The following ST6GALNAC3 variants were observed in gnomAD, a reference collection of about 807,000 sequenced individuals.
ST6GALNAC3 encodes the protein ST6 N-acetylgalactosaminide alpha-2,6-sialyltransferase 3, also known as alpha-N-acetylgalactosaminide alpha-2,6-sialyltransferase 3.
In ST6GALNAC3, 25 loss-of-function variants were observed where a neutral mutation model predicts 32.7. That is an observed-to-expected ratio of 0.76 (90% CI 0.56 to 1.07). ST6GALNAC3 has a LOEUF of 1.07. Ranked by LOEUF, ST6GALNAC3 falls within the 50% of genes least tolerant of loss-of-function variation. The pLI, the probability that ST6GALNAC3 is intolerant of heterozygous loss-of-function variation, is 0.00. For missense variants in ST6GALNAC3, 355 were observed against 382.4 expected, an observed-to-expected ratio of 0.93 and a Z score of 0.60; for synonymous variants, 129 against 133.1, an observed-to-expected ratio of 0.97 and a Z score of 0.21.
chr1:76,130,034 A>G (rs1649509913), intron 1 of ST6GALNAC3, among the ~76,000 whole-genome samples: 1 of 152,210 alleles, frequency 6.6e-6, no homozygotes. Context: ...TGACTGGTTC[A>G]TTAAGGCACC....
At chr1:76,564,638 T>A (rs914758147) in intron 3 of ST6GALNAC3, among the ~76,000 whole-genome samples, 15 of 147,300 alleles carry the variant, frequency 1.0e-4, no homozygotes, top group African/African-American at 3.9e-4. Context: ...CAGGCTGGAG[T>A]GCAGTGGCTC....
intron 3 of ST6GALNAC3, among the ~76,000 whole-genome samples, chr1:76,626,769 C>G (rs534524584): frequency 1.3e-4 from 19 of 151,968 alleles, no homozygotes; most frequent in African/African-American, 4.1e-4. Flanking sequence ...AACCCACTGG[C>G]CTTCACAAAG....
intron 3 of ST6GALNAC3, among the ~76,000 whole-genome samples, chr1:76,488,121 A>T (rs528547966): frequency 6.6e-6 from 1 of 152,268 alleles, no homozygotes; most frequent in Non-Finnish European, 1.5e-5. Context: ...GCTGAAATAT[A>T]ATCCCCCATG....
intron 3 of ST6GALNAC3, among the ~76,000 whole-genome samples, chr1:76,599,568 T>C (rs1297781649): frequency 6.6e-6 from 1 of 152,094 alleles, no homozygotes; most frequent in Non-Finnish European, 1.5e-5. Flanking sequence ...CCTGTGAGAT[T>C]AAATATTTCA....
chr1:76,325,448 C>T (rs919523989), intron 2 of ST6GALNAC3, among the ~76,000 whole-genome samples: 4 of 151,882 alleles, frequency 2.6e-5, no homozygotes, highest in East Asian at 1.9e-4. Context: ...TGCAATGCAG[C>T]CCAAGTTTTT....
At chr1:76,122,635 T>C (rs1648955453) in intron 1 of ST6GALNAC3, among the ~76,000 whole-genome samples, 1 of 152,220 alleles carries the variant, frequency 6.6e-6, no homozygotes, top group Non-Finnish European at 1.5e-5. Context: ...ATATAGTGTT[T>C]GCATATCCCA....
chr1:76,310,178 C>T (rs1012398177), intron 1 of ST6GALNAC3, among the ~76,000 whole-genome samples: 2 of 152,072 alleles, frequency 1.3e-5, no homozygotes, highest in African/African-American at 4.8e-5. Flanking sequence ...TACCAAATGA[C>T]GATTAAGAAA....
chr1:76,505,545 A>G (rs946983390), intron 3 of ST6GALNAC3, among the ~76,000 whole-genome samples: 24 of 152,236 alleles, frequency 1.6e-4, no homozygotes, highest in African/African-American at 5.3e-4. Flanking sequence ...ACTTATAAAT[A>G]GCTCCAAGCA....
chr1:76,448,791 A>G (rs1487898248), intron 3 of ST6GALNAC3, among the ~76,000 whole-genome samples: 2 of 151,958 alleles, frequency 1.3e-5, no homozygotes, highest in African/African-American at 4.8e-5. Flanking sequence ...GCCATGTGGA[A>G]CTCTAAGTTC....
At chr1:76,160,663 A>T (rs1023951359) in intron 1 of ST6GALNAC3, among the ~76,000 whole-genome samples, 1 of 152,220 alleles carries the variant, frequency 6.6e-6, no homozygotes, top group African/African-American at 2.4e-5. Context: ...CTTGCACCAG[A>T]ATATAAATCA....
At chr1:76,465,568 T>C (rs1404521611) in intron 3 of ST6GALNAC3, among the ~76,000 whole-genome samples, 1 of 152,170 alleles carries the variant, frequency 6.6e-6, no homozygotes, top group Non-Finnish European at 1.5e-5. Context: ...TTCTTTCTAG[T>C]TCCTTGGGGA....
intron 1 of ST6GALNAC3, among the ~76,000 whole-genome samples, chr1:76,195,419 A>G (rs964190872): frequency 4.6e-5 from 7 of 152,210 alleles, no homozygotes; most frequent in African/African-American, 1.7e-4. Context: ...ATCACACAGA[A>G]TATTAAAAAG....
intron 3 of ST6GALNAC3, among the ~76,000 whole-genome samples, chr1:76,594,396 T>A (rs1647099194): frequency 6.6e-6 from 1 of 152,170 alleles, no homozygotes; most frequent in Non-Finnish European, 1.5e-5. Flanking sequence ...AACATGTTTG[T>A]CCCTTATCTC....
chr1:76,516,472 G>A (rs144848384), intron 3 of ST6GALNAC3, among the ~76,000 whole-genome samples: 14 of 152,022 alleles, frequency 9.2e-5, no homozygotes, highest in African/African-American at 2.7e-4. Context: ...TATGTCTTTC[G>A]TATAAATGCA....
At chr1:76,168,044 C>A (rs1652238542) in intron 1 of ST6GALNAC3, among the ~76,000 whole-genome samples, 1 of 151,976 alleles carries the variant, frequency 6.6e-6, no homozygotes, top group African/African-American at 2.4e-5. Flanking sequence ...GGATTGTTTG[C>A]TCTAGATTCT....
intron 3 of ST6GALNAC3, among the ~76,000 whole-genome samples, chr1:76,622,048 C>A (rs1229040643): frequency 6.6e-6 from 1 of 151,930 alleles, no homozygotes; most frequent in Non-Finnish European, 1.5e-5. Context: ...GTCTTGATAC[C>A]CTTCAGGCTT....
intron 3 of ST6GALNAC3, among the ~76,000 whole-genome samples, chr1:76,607,510 C>T (rs1413593530): frequency 6.6e-6 from 1 of 152,106 alleles, no homozygotes; most frequent in African/African-American, 2.4e-5. Context: ...ATTCATATTA[C>T]TCTGGAGATT....
chr1:76,360,936 A>G (rs942194530), intron 2 of ST6GALNAC3, among the ~76,000 whole-genome samples: 16 of 152,176 alleles, frequency 1.1e-4, no homozygotes, highest in African/African-American at 3.9e-4. Flanking sequence ...TTTTGTGTCT[A>G]AGAAGAAAGA....
chr1:76,575,697 T>C (rs315027), intron 3 of ST6GALNAC3, among the ~76,000 whole-genome samples: 13,335 of 152,042 alleles, frequency 0.088, 1,114 homozygotes, highest in East Asian at 0.26. Context: ...AAAGGTGAAA[T>C]GGTGTATTTA....
Sources: allele counts gnomAD v4.1 joint callset (sites outside exome capture counted in the v4.1 genomes callset), GRCh38; gene constraint gnomAD v4.1.1; transcripts MANE v1.5; gene names NCBI Gene and HGNC (gene_info 2026-07-23, HGNC 2026-07-21).